SGCZ: variants seen among roughly 807,000 people sequenced by gnomAD.
SGCZ encodes the protein zeta-sarcoglycan.
A neutral mutation model predicts 41.3 loss-of-function variants in SGCZ; 40 were observed. That is an observed-to-expected ratio of 0.97 (90% CI 0.75 to 1.26). The LOEUF (loss-of-function observed/expected upper bound fraction) is 1.26, where lower values mean the gene tolerates loss of function less well. Among genes scored for constraint, SGCZ ranks in the 50% most tolerant of loss-of-function variants. SGCZ has a pLI of 0.00. For missense variants in SGCZ, 552 were observed against 369.8 expected (o/e 1.49, Z -4.04); for synonymous variants, 206 against 137.5 (o/e 1.50, Z -3.49).
At position 15,237,701 on chromosome 8, in the gene SGCZ, A is replaced by C; in HGVS notation, c.-78T>G. 6.6e-7 allele frequency: 1 copy of C among 1,506,020 alleles called. No individual in the cohort carries two copies. Among genetic ancestry groups the C allele is most frequent in the Non-Finnish European group, 9.0e-7 (1 of 1,105,978 alleles). 93.3% of individuals were successfully genotyped at this position (1,506,020 alleles called of 1,614,324 possible). Reference sequence around the variant, plus strand: ...AATCTAGTCTTTTAGTTTCCAGCTTAAACTCAGCTTTATCCTCCTCCAAGC... The same window carrying C: ...AATCTAGTCTTTTAGTTTCCAGCTTCAACTCAGCTTTATCCTCCTCCAAGC... On this transcript the variant is annotated 5_prime_UTR_variant, in exon 1 of 8. An upstream open reading frame in the 5' UTR gains an earlier in-frame stop. Coordinates refer to ENST00000382080, the MANE Select transcript of SGCZ (RefSeq NM_139167.4).
intron 1 of SGCZ, among the ~76,000 whole-genome samples, chr8:15,064,691 G>A (rs1473701053): frequency 6.6e-6 from 1 of 152,070 alleles, no homozygotes; most frequent in Admixed American, 6.5e-5. Flanking sequence ...CCTAGTTGCT[G>A]TTCTCACACA....
chr8:14,155,307 T>C (rs957185764), intron 5 of SGCZ, among the ~76,000 whole-genome samples: 18 of 152,286 alleles, frequency 1.2e-4, no homozygotes, highest in African/African-American at 3.6e-4. Flanking sequence ...AAGTTTTTTT[T>C]CTTCCTTTAA....
intron 1 of SGCZ, among the ~76,000 whole-genome samples, chr8:14,674,632 G>A (rs1048227012): frequency 6.6e-6 from 1 of 152,086 alleles, no homozygotes; most frequent in Non-Finnish European, 1.5e-5. Context: ...AATCCACAAT[G>A]TTTGACGTGG....
chr8:14,934,711 T>G (rs1442545056), intron 1 of SGCZ, among the ~76,000 whole-genome samples: 1 of 151,538 alleles, frequency 6.6e-6, no homozygotes, highest in Non-Finnish European at 1.5e-5. Context: ...TTTAAAGTGA[T>G]GAAAGATATA....
intron 1 of SGCZ, among the ~76,000 whole-genome samples, chr8:15,196,192 C>T (rs1437239691): frequency 7.5e-6 from 1 of 134,052 alleles, no homozygotes; most frequent in Non-Finnish European, 1.7e-5. Context: ...CCACCGCGCC[C>T]GGCCAGGCTT....
chr8:14,719,785 T>C (rs1809819859), intron 1 of SGCZ, among the ~76,000 whole-genome samples: 1 of 151,986 alleles, frequency 6.6e-6, no homozygotes, highest in South Asian at 2.1e-4. Flanking sequence ...TTGCTAAAAT[T>C]TTCTCCCATT....
At chr8:14,536,859 G>C (rs1803312141) in intron 2 of SGCZ, among the ~76,000 whole-genome samples, 1 of 151,876 alleles carries the variant, frequency 6.6e-6, no homozygotes, top group Non-Finnish European at 1.5e-5. Flanking sequence ...TTTAATACTT[G>C]TTAGTCTTCA....
chr8:14,859,889 T>G (rs2130675425), intron 1 of SGCZ, among the ~76,000 whole-genome samples: 1 of 152,322 alleles, frequency 6.6e-6, no homozygotes, highest in Non-Finnish European at 1.5e-5. Context: ...TAGTAGACAC[T>G]TAGTAAATGT....
chr8:14,417,801 GTGTA>G (rs1368155608), intron 2 of SGCZ, among the ~76,000 whole-genome samples: 1 of 29,932 alleles, frequency 3.3e-5, no homozygotes, highest in South Asian at 2.9e-3. Flanking sequence ...ATTTCACAAT[GTGTA>G]TGTATATTGA....
rs559120244 is a variant in SGCZ, at chr8:14,669,427, C to G, written c.40-114501G>C. ...TAAATAAATAGGGTTCCATTACTTA[C>G]TAATCTTGAATAACTAAAAGTTTGT... On this transcript the variant is annotated intron_variant, in intron 1 of 7. Transcript: ENST00000382080. 2.5e-4 allele frequency among the ~76,000 whole-genome samples: 38 copies of G among 150,256 alleles called. 2 individuals carry two copies. The Middle Eastern group carries it at 0.027, about 108-fold the overall frequency.
chr8:14,566,830 C>A (rs1419299667), intron 1 of SGCZ, among the ~76,000 whole-genome samples: 1 of 152,202 alleles, frequency 6.6e-6, no homozygotes, highest in Non-Finnish European at 1.5e-5. Context: ...GAGGGAGAGG[C>A]ACAGGCAGGA....
At chr8:14,992,761 TC>T (rs1802065902) in intron 1 of SGCZ, among the ~76,000 whole-genome samples, 2 of 78,094 alleles carry the variant, frequency 2.6e-5, no homozygotes, top group South Asian at 5.2e-4. Context: ...TATTTACCCC[TC>T]CCCCATCCTC....
At chr8:14,378,313 C>T (rs1290650332) in intron 2 of SGCZ, among the ~76,000 whole-genome samples, 5 of 152,052 alleles carry the variant, frequency 3.3e-5, no homozygotes, top group Non-Finnish European at 5.9e-5. Flanking sequence ...TGTTTTTTGG[C>T]TGCATAAATG....
At chr8:14,298,760 C>T (rs897615598) in intron 3 of SGCZ, among the ~76,000 whole-genome samples, 2 of 151,770 alleles carry the variant, frequency 1.3e-5, no homozygotes, top group African/African-American at 4.8e-5. Flanking sequence ...GTTAATGTTC[C>T]CACAAATTGA....
intron 3 of SGCZ, among the ~76,000 whole-genome samples, chr8:14,317,586 T>C (rs1360454322): frequency 6.6e-6 from 1 of 151,640 alleles, no homozygotes; most frequent in East Asian, 1.9e-4. Context: ...ACTTAGACAA[T>C]AAAAACATTA....
intron 2 of SGCZ, among the ~76,000 whole-genome samples, chr8:14,459,611 A>T (rs188322373): frequency 1.4e-4 from 21 of 152,218 alleles, no homozygotes; most frequent in Admixed American, 2.6e-4. Context: ...GACATTTATT[A>T]ATTATACAAG....
chr8:14,737,630 T>C (rs192804830), intron 1 of SGCZ, among the ~76,000 whole-genome samples: 58 of 152,204 alleles, frequency 3.8e-4, no homozygotes, highest in African/African-American at 1.3e-3. Flanking sequence ...ATTGATTCCT[T>C]CTGAGGCCTC....
chr8:14,320,857 A>C (rs987230293), intron 3 of SGCZ, among the ~76,000 whole-genome samples: 5 of 152,098 alleles, frequency 3.3e-5, no homozygotes, highest in African/African-American at 1.2e-4. Context: ...AGGGCTGTTT[A>C]GTTCGTCTCA....
chr8:14,149,113 T>G (rs1374124548), intron 5 of SGCZ, among the ~76,000 whole-genome samples: 1 of 152,114 alleles, frequency 6.6e-6, no homozygotes, highest in African/African-American at 2.4e-5. Context: ...GCCTTTCCTC[T>G]GAGATCTGGA....
Sources: allele counts gnomAD v4.1 joint callset (sites outside exome capture counted in the v4.1 genomes callset), GRCh38; gene constraint gnomAD v4.1.1; transcripts MANE v1.5; gene names NCBI Gene and HGNC (gene_info 2026-07-23, HGNC 2026-07-21).